The following COL5A1 variants were observed in gnomAD, a reference collection of about 807,000 sequenced individuals.
COL5A1 encodes the protein collagen type V alpha 1 chain.
Under a neutral mutation model 263.7 loss-of-function variants are expected in COL5A1, and 16 were observed. The ratio of observed to expected loss-of-function variants is 0.06; its 90% CI spans 0.04 to 0.09. COL5A1 has a LOEUF of 0.09. COL5A1 is among the 10% of genes least tolerant of loss of function. The pLI is 1.00. For synonymous variants in COL5A1, 1,012 were observed against 1,004.5 expected (o/e 1.01, Z -0.14); for missense variants, 2,036 against 2,540.5 (o/e 0.80, Z 4.27).
At chr9:134,827,635 A>T (rs1269331631) in intron 63 of COL5A1, among the ~76,000 whole-genome samples, 1 of 152,200 alleles carries the variant, frequency 6.6e-6, no homozygotes, top group Non-Finnish European at 1.5e-5. Flanking sequence ...TGTTCACGGC[A>T]CAGCAGCGTG....
In COL5A1 at chr9:134,768,564, T is replaced by A. The variant is rs1403631908; in HGVS notation, c.2286+101T>A. 13 of 1,237,114 alleles carry A rather than the reference T, an allele frequency of 1.1e-5. No homozygotes were observed. The East Asian group carries it at 2.8e-4, about 27-fold the overall frequency. 76.6% of individuals were successfully genotyped at this position (1,237,114 alleles called of 1,614,324 possible). On this transcript the variant is annotated intron_variant, in intron 25 of 65. Transcript: ENST00000371817. ...TCTTTGGGGTTGTTGTTGGACGGCA[T>A]TGACTCATTCTGGCTCTGTTGATGA... is the stretch of plus-strand genomic sequence containing the variant.
At position 134,690,963 on chromosome 9, in the gene COL5A1, G is replaced by A; in HGVS notation, c.161G>A (p.Gly54Glu). The stretch of plus-strand genomic sequence containing the variant: ...CTAGATTTTCACAACTTGCCTGATG[G>A]AATAACAAAGACAACAGGCTTTTGC... ...KVLDFHNLPD[G>E]ITKTTGFCAT... Residue 54 changes from glycine (G) to glutamate (E), a missense_variant, in exon 2 of 66, where the codon GGA becomes GAA. Coordinates refer to ENST00000371817, the MANE Select transcript of COL5A1 (RefSeq NM_000093.5). 1 of 1,613,876 alleles carries A rather than the reference G, an allele frequency of 6.2e-7. No homozygotes were observed.
chr9:134,685,964 T>A (rs1275352803), intron 1 of COL5A1, among the ~76,000 whole-genome samples: 1 of 150,444 alleles, frequency 6.6e-6, no homozygotes, highest in Non-Finnish European at 1.5e-5. Flanking sequence ...CATCCACTCA[T>A]CCATCCATCC....
chr9:134,727,195 G>A, intron 4 of COL5A1, 71 bp from the exon 5 acceptor site: 1 of 1,540,524 alleles, frequency 6.5e-7, no homozygotes, highest in Non-Finnish European at 8.9e-7. Context: ...CAAGGCATGG[G>A]GCTGTGTCTC....
intron 9 of COL5A1, among the ~76,000 whole-genome samples, chr9:134,736,219 G>A (rs1835094476): frequency 6.6e-6 from 1 of 152,280 alleles, no homozygotes; most frequent in Non-Finnish European, 1.5e-5. Flanking sequence ...TTCATTGTGA[G>A]CTGCTGTTAC....
intron 1 of COL5A1, among the ~76,000 whole-genome samples, chr9:134,668,159 C>T (rs1832415562): frequency 6.6e-6 from 1 of 152,194 alleles, no homozygotes; most frequent in South Asian, 2.1e-4. Context: ...TCTTGTGATC[C>T]ATGTGGAATT....
At chr9:134,697,234 A>C (rs1436998096) in intron 2 of COL5A1, among the ~76,000 whole-genome samples, 1 of 151,996 alleles carries the variant, frequency 6.6e-6, no homozygotes, top group African/African-American at 2.4e-5. Context: ...TCATGTCATG[A>C]CTCGAATGGG....
Position 134,754,402 on chromosome 9 carries a change from C to T in COL5A1, c.1827+76C>T. 5 of 1,527,366 alleles carry T rather than the reference C, an allele frequency of 3.3e-6. No individual in the cohort carries two copies. Among genetic ancestry groups the T allele is most frequent in the Non-Finnish European group, 4.5e-6 (5 of 1,102,446 alleles). 94.6% of individuals were successfully genotyped at this position (1,527,366 alleles called of 1,614,324 possible). Reference sequence around the variant, plus strand: ...GGAGCCCAAATCTGGGGTGCGGGCACCCCCAACAGCCAGCTGGGCCACATG... The same window carrying T: ...GGAGCCCAAATCTGGGGTGCGGGCATCCCCAACAGCCAGCTGGGCCACATG... On this transcript the variant is annotated intron_variant, in intron 16 of 65. Coordinates refer to ENST00000371817, the MANE Select transcript of COL5A1 (RefSeq NM_000093.5). The surrounding 1 kb of genome is among the most constrained non-coding windows in gnomAD (Gnocchi z 4.3).
chr9:134,667,709 C>T (rs1025488501), intron 1 of COL5A1, among the ~76,000 whole-genome samples: 2 of 152,198 alleles, frequency 1.3e-5, no homozygotes, highest in African/African-American at 4.8e-5. Context: ...AGCCCAGACA[C>T]AAGATTTGAA....
chr9:134,735,809 C>T (rs542143014), intron 9 of COL5A1, among the ~76,000 whole-genome samples: 240 of 152,370 alleles, frequency 1.6e-3, no homozygotes, highest in African/African-American at 5.6e-3. Flanking sequence ...TCTCTGTGTA[C>T]AGCACACACA....
rs113632124 is a variant in COL5A1 at position 134,700,241 on chromosome 9, A to G, written c.491+119A>G. 2.5e-3 allele frequency: 2,380 copies of G among 936,794 alleles called. 36 individuals carry two copies. The African/African-American group carries it at 0.031, about 12-fold the overall frequency. 58.0% of individuals were successfully genotyped at this position (936,794 alleles called of 1,614,324 possible). On this transcript the variant is annotated intron_variant, in intron 3 of 65. Coordinates refer to ENST00000371817, the MANE Select transcript of COL5A1 (RefSeq NM_000093.5). The surrounding 1 kb of genome is among the most constrained non-coding windows in gnomAD (Gnocchi z 4.0). The stretch of plus-strand genomic sequence containing the variant: ...TGCAGCAGCCGGTACTGAGACTCCC[A>G]CAGACGCCGCAGCAGAGGAGAGGGT...
rs759291514 is a variant in COL5A1 at position 134,835,196 on chromosome 9, G to A, written c.5362G>A (p.Gly1788Ser). The A allele has an allele frequency of 2.5e-5, 40 of 1,613,300 alleles. No individual in the cohort carries two copies. Among genetic ancestry groups the A allele is most frequent in the Non-Finnish European group, 3.1e-5 (37 of 1,179,930 alleles). ...NNPYIRALVD[G>S]CATKKGYQKT... is the part of the protein sequence containing the mutation. ...CCCCTACATCCGCGCCCTGGTGGAC[G>A]GCTGTGCTGTGAGTATCCCGCGCCG... The change falls in exon 65 of 66, where the codon GGC becomes AGC. Residue 1788 changes from glycine (G) to serine (S), a missense_variant. Gly to Ser is a moderately conservative substitution (Grantham distance 56). Coordinates refer to ENST00000371817, the MANE Select transcript of COL5A1 (RefSeq NM_000093.5).
chr9:134,767,090 G>T (rs561243973), intron 23 of COL5A1, 37 bp downstream of exon 23: 1 of 1,604,598 alleles, frequency 6.2e-7, no homozygotes, highest in South Asian at 1.1e-5. Flanking sequence ...GCAGGGATCC[G>T]GCCGTGGGAG....
Position 134,652,080 on chromosome 9 carries a change from G to A in COL5A1, c.109+9784G>A, listed in dbSNP as rs1031459346. ...TCTTCTCAGAGCCTTTGGCTACAGA[G>A]TGTTCCCGCGGTCGAGGTGGGGTGA... On this transcript the variant is annotated intron_variant, in intron 1 of 65. Transcript: ENST00000371817. The surrounding 1 kb of genome is among the most constrained non-coding windows in gnomAD (Gnocchi z 4.4). Among the ~76,000 whole-genome samples the A allele has an allele frequency of 1.3e-5, 2 of 152,326 alleles. No homozygotes were observed. Among genetic ancestry groups the A allele is most frequent in the Non-Finnish European group, 1.5e-5 (1 of 68,032 alleles).
At chr9:134,759,411 A>ACCCC (rs1836146266) in intron 18 of COL5A1, among the ~76,000 whole-genome samples, 2 of 130,672 alleles carry the variant, frequency 1.5e-5, no homozygotes, top group African/African-American at 6.4e-5. Flanking sequence ...ACACCCACAC[A>ACCCC]CACCCACACT....
intron 1 of COL5A1, among the ~76,000 whole-genome samples, chr9:134,687,914 G>A (rs1254001358): frequency 6.6e-6 from 1 of 152,322 alleles, no homozygotes; most frequent in South Asian, 2.1e-4. Context: ...CTCTGGTGGG[G>A]GGTGCCACTG....
intron 32 of COL5A1, among the ~76,000 whole-genome samples, chr9:134,792,839 ATGTGTGTGTGCGCACACG>A (rs1564462234): frequency 1.5e-4 from 9 of 59,570 alleles, no homozygotes; most frequent in African/African-American, 2.6e-4. Flanking sequence ...ATGCATGTGT[ATGTGTGTGTGCGCACACG>A]TGTGTGTGCG....
At chr9:134,729,769 C>G (rs113536585) in intron 6 of COL5A1, among the ~76,000 whole-genome samples, 97 of 55,526 alleles carry the variant, frequency 1.7e-3, no homozygotes, top group African/African-American at 4.5e-3. Context: ...CATGCGGGCA[C>G]GGGTGTGCAT....
intron 65 of COL5A1, among the ~76,000 whole-genome samples, chr9:134,840,210 G>A (rs1035050361): frequency 3.9e-5 from 6 of 152,334 alleles, no homozygotes; most frequent in Middle Eastern, 3.4e-3. Flanking sequence ...GAGAACTCGC[G>A]TTCTCTCTGA....
Sources: gnomAD v4.1 joint callset for allele counts (sites outside exome capture counted in the v4.1 genomes callset) on GRCh38, gnomAD v4.1.1 for gene constraint, Gnocchi (gnomAD v3.1) non-coding constraint, MANE v1.5 for transcripts, NCBI Gene and HGNC (gene_info 2026-07-23, HGNC 2026-07-21) for gene names.